Variants in NAV3 observed in about 807,000 individuals in gnomAD.
The protein encoded by NAV3 is neuron navigator 3, also known as pore membrane and/or filament interacting like protein 1.
NAV3 carries 87 observed loss-of-function variants against 244.7 expected under a neutral mutation model. That is an observed-to-expected ratio of 0.36 (90% confidence interval 0.30 to 0.42). The LOEUF (loss-of-function observed/expected upper bound fraction) is 0.42. NAV3 is among the 20% of genes least tolerant of loss of function. The probability of loss-of-function intolerance (pLI) is 1.00; values close to 1 mark genes in which losing one functional copy is unlikely to be tolerated. For synonymous variants in NAV3, 1,126 were observed against 1,042.2 expected, an observed-to-expected ratio of 1.08 and a Z score of -1.55; for missense variants, 2,663 against 2,893.3, an observed-to-expected ratio of 0.92 and a Z score of 1.83.
At chr12:77,575,635 G>A (rs1869045826) in intron 2 of NAV3, among the ~76,000 whole-genome samples, 2 of 152,080 alleles carry the variant, frequency 1.3e-5, no homozygotes. Flanking sequence ...AACAGTGAAA[G>A]CTCAATAGTT....
intron 1 of NAV3, among the ~76,000 whole-genome samples, chr12:77,840,502 A>G (rs1349271894): frequency 1.3e-5 from 2 of 152,214 alleles, no homozygotes; most frequent in Non-Finnish European, 2.9e-5. Flanking sequence ...AAGAGGGACA[A>G]ATCTAGTAAA....
At chr12:77,985,456 T>G (rs1870329101) in intron 5 of NAV3, among the ~76,000 whole-genome samples, 1 of 152,220 alleles carries the variant, frequency 6.6e-6, no homozygotes, top group Non-Finnish European at 1.5e-5. Context: ...TTATATACTT[T>G]ATAAGTTAAT....
intron 1 of NAV3, among the ~76,000 whole-genome samples, chr12:77,841,372 A>G (rs1003496549): frequency 6.6e-6 from 1 of 152,214 alleles, no homozygotes; most frequent in Admixed American, 6.5e-5. Context: ...TGGAGTGGGC[A>G]GGTTCAAAAT....
intron 22 of NAV3, among the ~76,000 whole-genome samples, 156 bp from the exon 23 acceptor site, chr12:78,159,047 T>G (rs1957418173): frequency 6.6e-6 from 1 of 152,136 alleles, no homozygotes; most frequent in Non-Finnish European, 1.5e-5. Context: ...TGAAAATGTG[T>G]GTTAAAGAAG....
chr12:78,057,695 T>C (rs1210759171), intron 11 of NAV3, among the ~76,000 whole-genome samples: 1 of 152,210 alleles, frequency 6.6e-6, no homozygotes, highest in Non-Finnish European at 1.5e-5. Flanking sequence ...GAAGTGAGCA[T>C]ATCATTGCTG....
At chr12:78,055,561 C>G (rs1431639856) in intron 11 of NAV3, among the ~76,000 whole-genome samples, 1 of 152,142 alleles carries the variant, frequency 6.6e-6, no homozygotes, top group Non-Finnish European at 1.5e-5. Context: ...TGATCTTCAC[C>G]TGGGGAATGC....
In NAV3 at chr12:78,211,974, A is replaced by C. The variant is rs1407488898; in HGVS notation, c.*1457A>C. On this transcript the variant is annotated 3_prime_UTR_variant, in exon 40 of 40. Transcript: ENST00000397909. ...AATTGTATTTTATCCTGTTGGTGTT[A>C]AGAGGTGTTTCACTTGCTGAGATTT... The C allele has an allele frequency of 6.5e-6, 1 of 152,752 alleles. No homozygotes were observed. Among genetic ancestry groups the C allele is most frequent in the East Asian group, 1.9e-4 (1 of 5,178 alleles). 9.5% of individuals were successfully genotyped at this position (152,752 alleles called of 1,614,324 possible). A position where few individuals can be genotyped will look rare whatever the true frequency, so the allele number is the denominator to read the frequency against.
intron 2 of NAV3, among the ~76,000 whole-genome samples, chr12:77,777,354 G>A (rs1870415953): frequency 1.3e-5 from 2 of 152,104 alleles, no homozygotes. Flanking sequence ...ACCCTTCCTT[G>A]TGATGATGTG....
At chr12:77,936,061 A>C (rs1889298269) in intron 1 of NAV3, among the ~76,000 whole-genome samples, 1 of 152,158 alleles carries the variant, frequency 6.6e-6, no homozygotes, top group South Asian at 2.1e-4. Context: ...CATTTTACAG[A>C]TGAGAATACT....
At chr12:78,092,760 A>T (rs372940609) in intron 12 of NAV3, among the ~76,000 whole-genome samples, 148 of 152,092 alleles carry the variant, frequency 9.7e-4, no homozygotes, top group African/African-American at 3.2e-3. Flanking sequence ...TTGGCCTCCC[A>T]AAGTGCTGGG....
chr12:77,652,551 T>C (rs957397076), intron 2 of NAV3, among the ~76,000 whole-genome samples: 2 of 152,166 alleles, frequency 1.3e-5, no homozygotes, highest in African/African-American at 4.8e-5. Context: ...ACTAAAAAGA[T>C]GTATGCCTGT....
At chr12:77,848,464 A>G (rs191812682) in intron 1 of NAV3, among the ~76,000 whole-genome samples, 1 of 152,344 alleles carries the variant, frequency 6.6e-6, no homozygotes, top group Non-Finnish European at 1.5e-5. Context: ...CATCCTGCAG[A>G]GTAACTTCTA....
intron 2 of NAV3, among the ~76,000 whole-genome samples, chr12:77,615,568 A>G (rs1871115435): frequency 6.6e-6 from 1 of 152,186 alleles, no homozygotes; most frequent in African/African-American, 2.4e-5. Flanking sequence ...TTATGGTTGC[A>G]TAGTATCCCA....
chr12:78,044,399 A>G (rs1256914935), intron 9 of NAV3, among the ~76,000 whole-genome samples: 2 of 151,972 alleles, frequency 1.3e-5, no homozygotes, highest in African/African-American at 2.4e-5. Context: ...CTTTAGGATT[A>G]TCTTGGCTAT....
At chr12:78,113,253 T>A (rs951541848) in intron 12 of NAV3, among the ~76,000 whole-genome samples, 2 of 152,218 alleles carry the variant, frequency 1.3e-5, no homozygotes, top group Admixed American at 6.5e-5. Flanking sequence ...TACCATTCTG[T>A]GGTCTGGAGG....
intron 2 of NAV3, among the ~76,000 whole-genome samples, chr12:77,574,273 G>T (rs558003700): frequency 4.6e-5 from 7 of 152,184 alleles, no homozygotes; most frequent in East Asian, 3.9e-4. Context: ...TGTAAGATCT[G>T]CAAATAAACC....
intron 1 of NAV3, among the ~76,000 whole-genome samples, chr12:77,857,297 G>T (rs191875992): frequency 1.1e-4 from 17 of 152,058 alleles, no homozygotes; most frequent in African/African-American, 3.1e-4. Flanking sequence ...TCAGTGCCTG[G>T]AATAGCATGC....
At chr12:78,015,932 G>A (rs1298223683) in intron 8 of NAV3, among the ~76,000 whole-genome samples, 1 of 152,016 alleles carries the variant, frequency 6.6e-6, no homozygotes, top group Admixed American at 6.6e-5. Context: ...TGGACAAATA[G>A]ATTTCTACTG....
rs555052394 is a variant in NAV3 at position 77,903,137 on chromosome 12, A to T, written c.244-37182A>T. ...ATGACTTTCTTCACAGAATTGGAAA[A>T]AACTACTTTAAAGTTCATATGGAAC... On this transcript the variant is annotated intron_variant, in intron 1 of 39. Transcript: ENST00000397909. Among the ~76,000 whole-genome samples, 22 of 152,280 alleles carry T rather than the reference A, an allele frequency of 1.4e-4. 1 individual carries two copies. Among genetic ancestry groups the T allele is most frequent in the South Asian group, 1.2e-3 (6 of 4,822 alleles).
Sources: allele counts gnomAD v4.1 joint callset (sites outside exome capture counted in the v4.1 genomes callset), GRCh38; gene constraint gnomAD v4.1.1; transcripts MANE v1.5; gene names NCBI Gene and HGNC (gene_info 2026-07-23, HGNC 2026-07-21).